The following MFSD8 variants were observed in gnomAD, a reference collection of about 807,000 sequenced individuals.
MFSD8 encodes the protein major facilitator superfamily domain containing 8, also known as major facilitator superfamily domain-containing protein 8.
A neutral mutation model predicts 66.4 loss-of-function variants in MFSD8; 55 were observed. That is an observed-to-expected ratio of 0.83 (90% CI 0.67 to 1.04). MFSD8 has a LOEUF of 1.04. MFSD8 is among the 50% of genes least tolerant of loss of function. The probability of loss-of-function intolerance (pLI) is 0.00; values close to 1 mark genes in which losing one functional copy is unlikely to be tolerated. For synonymous variants in MFSD8, 202 were observed against 212.8 expected (o/e 0.95, Z 0.44); for missense variants, 550 against 627.6 (o/e 0.88, Z 1.32).
rs747948366 is a variant in MFSD8, at chr4:127,920,685, A to G, written c.1502T>C (p.Val501Ala). ...AAGAGCAATGAGTCTTTTGTAAACC[A>G]CTCCCAGGAGGGTGATGGTGAGCAC... ...IIVLTITLLG[V>A]VYKRLIALSV... Residue 501 changes from valine to alanine, a missense_variant, in exon 12 of 12, where the codon GTG (valine) becomes GCG (alanine). By Grantham distance (64) the Val-to-Ala change is moderately conservative. Transcript: ENST00000641686. 1 of 1,613,608 alleles carries G rather than the reference A, an allele frequency of 6.2e-7. No homozygotes were observed. The highest frequency in any genetic ancestry group is 8.5e-7 in the Non-Finnish European group (1 of 1,179,942).
At chr4:127,951,701 G>A (rs374036008) in intron 2 of MFSD8, among the ~76,000 whole-genome samples, 16 of 151,270 alleles carry the variant, frequency 1.1e-4, no homozygotes, top group Middle Eastern at 3.4e-3. Flanking sequence ...ATAATACATG[G>A]TCTTTTGTCT....
At chr4:127,930,910 T>C in intron 8 of MFSD8, 93 bp from the exon 9 acceptor site, 1 of 1,227,852 alleles carries the variant, frequency 8.1e-7, no homozygotes, top group East Asian at 2.6e-5. Flanking sequence ...CATCTACACA[T>C]TCAAGAATGT....
At chr4:127,948,419 G>A (rs778166966) in intron 3 of MFSD8, among the ~76,000 whole-genome samples, 1 of 152,108 alleles carries the variant, frequency 6.6e-6, no homozygotes, top group Non-Finnish European at 1.5e-5. Flanking sequence ...AAGTCAAAAG[G>A]TCAAACCGCA....
rs1736308481 is a variant in MFSD8, at chr4:127,921,315, C to CTGTATCTACATTCTGTATT, written c.1350+208_1350+209insAATACAGAATGTAGATACA. On this transcript the variant is annotated intron_variant, in intron 11 of 11. Transcript: ENST00000641686. ...CTTTACACTCTACCACAATGCCACT[C>CTGTATCTACATTCTGTATT]CTACAACTTCTGTATCCAAAACTAT... 3 of 805,704 alleles carry CTGTATCTACATTCTGTATT rather than the reference C, an allele frequency of 3.7e-6. No homozygotes were observed. The East Asian group carries it at 8.0e-5, about 21-fold the overall frequency. 49.9% of individuals were successfully genotyped at this position (805,704 alleles called of 1,614,324 possible).
intron 4 of MFSD8, 149 bp from the exon 5 acceptor site, chr4:127,942,307 T>C (rs1228029982): frequency 1.5e-6 from 1 of 666,190 alleles, no homozygotes; most frequent in Non-Finnish European, 2.7e-6. Flanking sequence ...GCATGTAAGG[T>C]ATTTTTATTA....
chr4:127,965,239 G>T (rs1406404396), upstream of MFSD8: 16 of 1,404,314 alleles, frequency 1.1e-5, no homozygotes, highest in Admixed American at 1.3e-4. Context: ...GTGCGCGTGC[G>T]CACCTGACGG....
chr4:127,934,900 T>C lies in MFSD8; in HGVS notation c.755-1807A>G, dbSNP rs946149332. Among the ~76,000 whole-genome samples, 5 of 150,902 alleles carry C rather than the reference T, an allele frequency of 3.3e-5. 1 individual carries two copies. The South Asian group carries it at 1.1e-3, about 32-fold the overall frequency. On this transcript the variant is annotated intron_variant, in intron 7 of 11. Coordinates refer to ENST00000641686, the MANE Select transcript of MFSD8 (RefSeq NM_001371596.2). ...ATAAAATATTACAAAAATATGTTTA[T>C]TTATGCTATCTTAAATTGTGTGTAG...
intron 1 of MFSD8, chr4:127,964,727 A>C: frequency 2.4e-6 from 1 of 412,450 alleles, no homozygotes; most frequent in Non-Finnish European, 4.5e-6. Context: ...GTGCCGCCAA[A>C]GTGGGAGCCC....
At chr4:127,953,486 G>A (rs1302912830) in intron 2 of MFSD8, among the ~76,000 whole-genome samples, 2 of 141,972 alleles carry the variant, frequency 1.4e-5, no homozygotes, top group African/African-American at 2.6e-5. Flanking sequence ...AATAAATTAC[G>A]TTACAGTATA....
At chr4:127,958,325 G>C (rs546055492) in intron 1 of MFSD8, among the ~76,000 whole-genome samples, 5 of 152,146 alleles carry the variant, frequency 3.3e-5, no homozygotes, top group Non-Finnish European at 5.9e-5. Context: ...GAGTTAACAA[G>C]TTCACCTTAA....
chr4:127,947,413 A>G (rs771667939), intron 3 of MFSD8, among the ~76,000 whole-genome samples: 2 of 151,952 alleles, frequency 1.3e-5, no homozygotes, highest in Non-Finnish European at 2.9e-5. Context: ...CCCCGTCTCT[A>G]CTAAAAATAC....
rs1560745402 is a variant in MFSD8, at chr4:127,938,798, T to C, written c.739A>G (p.Ile247Val). ...VDDSGRQCKS[I>V]NFEEASTDEA... ...TTAAAAGTACCTTCTTCAAAATTAA[T>C]ACTTTTACACTGTCTTCCTGAGTCA... is the stretch of plus-strand genomic sequence containing the variant. The change falls in exon 7 of 12, where the codon ATT becomes GTT. Residue 247 changes from isoleucine (I) to valine (V), a missense_variant. Ile to Val is a conservative substitution (Grantham distance 29, BLOSUM62 3). Coordinates refer to ENST00000641686, the MANE Select transcript of MFSD8 (RefSeq NM_001371596.2). 5 of 1,609,948 alleles carry C rather than the reference T, an allele frequency of 3.1e-6. No homozygotes were observed. Among genetic ancestry groups the C allele is most frequent in the Non-Finnish European group, 8.5e-7 (1 of 1,177,196 alleles).
intron 6 of MFSD8, chr4:127,939,604 CAAAAA>C (rs10553488): frequency 6.5e-3 from 527 of 80,946 alleles, no homozygotes; most frequent in Middle Eastern, 0.029. Context: ...GATCTTGTCT[CAAAAA>C]AAAAAAAAAA....
chr4:127,942,984 C>T (rs779020729), intron 4 of MFSD8, among the ~76,000 whole-genome samples: 2 of 151,558 alleles, frequency 1.3e-5, no homozygotes, highest in Non-Finnish European at 2.9e-5. Context: ...TTTGGGAGGC[C>T]GAGGCGAGTG....
chr4:127,953,903 G>C (rs1158325015), intron 2 of MFSD8, among the ~76,000 whole-genome samples: 1 of 151,972 alleles, frequency 6.6e-6, no homozygotes, highest in African/African-American at 2.4e-5. Flanking sequence ...GCACAACTTT[G>C]GCAAGTGAGA....
chr4:127,927,934 C>A (rs1165366989), intron 9 of MFSD8, among the ~76,000 whole-genome samples: 3 of 152,124 alleles, frequency 2.0e-5, no homozygotes, highest in South Asian at 2.1e-4. Context: ...GTTGCCCAGG[C>A]TGGTCTCAAA....
chr4:127,944,535 C>A (rs1740718706), intron 3 of MFSD8, among the ~76,000 whole-genome samples: 2 of 152,076 alleles, frequency 1.3e-5, no homozygotes, highest in African/African-American at 4.8e-5. Flanking sequence ...AGTATTCTAC[C>A]ACTTTAAAAG....
chr4:127,945,164 T>C (rs1387139331), intron 3 of MFSD8, among the ~76,000 whole-genome samples: 6 of 152,170 alleles, frequency 3.9e-5, no homozygotes, highest in African/African-American at 1.2e-4. Flanking sequence ...CTGGGCAACA[T>C]AGGAAGATTC....
At chr4:127,922,114 T>C (rs200285978) in intron 9 of MFSD8, 151 bp from the exon 10 acceptor site, 10 of 830,908 alleles carry the variant, frequency 1.2e-5, no homozygotes, top group Non-Finnish European at 1.7e-5. Flanking sequence ...CCACTAAAAA[T>C]AACCAGGACT....
Sources: gnomAD v4.1 joint callset for allele counts (sites outside exome capture counted in the v4.1 genomes callset) on GRCh38, gnomAD v4.1.1 for gene constraint, MANE v1.5 for transcripts, NCBI Gene and HGNC (gene_info 2026-07-23, HGNC 2026-07-21) for gene names.